RGS6: variants seen among roughly 807,000 people sequenced by gnomAD.
RGS6 encodes the protein regulator of G protein signaling 6, also known as regulator of G-protein signaling 6.
Under a neutral mutation model 78.5 loss-of-function variants are expected in RGS6, and 30 were observed. The ratio of observed to expected loss-of-function variants is 0.38; its 90% CI spans 0.29 to 0.52. RGS6 has a LOEUF of 0.52. Among genes scored for constraint, RGS6 ranks in the 20% least tolerant of loss-of-function variants. The probability of loss-of-function intolerance (pLI) is 0.85; values close to 1 mark genes in which losing one functional copy is unlikely to be tolerated. For synonymous variants in RGS6, 206 were observed against 206.0 expected, an observed-to-expected ratio of 1.00 and a Z score of 0.00; for missense variants, 495 against 609.7, an observed-to-expected ratio of 0.81 and a Z score of 1.98.
intron 2 of RGS6, among the ~76,000 whole-genome samples, chr14:72,229,332 G>C (rs1225657414): frequency 7.1e-6 from 1 of 140,596 alleles, no homozygotes; most frequent in Non-Finnish European, 1.5e-5. Context: ...ACCAGGTCCT[G>C]TCCCCATGCT....
chr14:72,317,564 A>G (rs1333759985), intron 2 of RGS6, among the ~76,000 whole-genome samples: 2 of 152,170 alleles, frequency 1.3e-5, no homozygotes, highest in Non-Finnish European at 2.9e-5. Flanking sequence ...TAGGGGCTCG[A>G]AGGTCAATAC....
intron 2 of RGS6, among the ~76,000 whole-genome samples, chr14:72,328,662 T>C (rs951541254): frequency 6.6e-6 from 1 of 152,070 alleles, no homozygotes; most frequent in African/African-American, 2.4e-5. Context: ...ACAGACATCA[T>C]TGTGAGGTCC....
chr14:71,877,502 C>G, the RGS6 span, among the ~76,000 whole-genome samples: 6 of 152,308 alleles, frequency 3.9e-5, no homozygotes, highest in South Asian at 1.2e-3. Context: ...TCATGTAGTT[C>G]TCGTGCCATG....
At chr14:72,158,891 T>C (rs1013714870) in intron 2 of RGS6, among the ~76,000 whole-genome samples, 1 of 152,206 alleles carries the variant, frequency 6.6e-6, no homozygotes, top group African/African-American at 2.4e-5. Context: ...AAATCTCAGC[T>C]CCACCCTTTT....
At chr14:71,892,154 A>G in the RGS6 span, among the ~76,000 whole-genome samples, 5 of 152,300 alleles carry the variant, frequency 3.3e-5, no homozygotes, top group Non-Finnish European at 4.4e-5. Flanking sequence ...AAACAATACA[A>G]TGAAATTCCT....
At chr14:72,050,713 T>A (rs2093178454) in intron 2 of RGS6, among the ~76,000 whole-genome samples, 1 of 152,210 alleles carries the variant, frequency 6.6e-6, no homozygotes, top group Non-Finnish European at 1.5e-5. Context: ...CGGGTTTGAA[T>A]TCAGGAGTCC....
At chr14:72,507,991 T>C (rs561036702) in intron 13 of RGS6, among the ~76,000 whole-genome samples, 6 of 152,310 alleles carry the variant, frequency 3.9e-5, no homozygotes, top group African/African-American at 1.4e-4. Flanking sequence ...TTGAAAGTTA[T>C]TGAGTTTGAT....
intron 3 of RGS6, among the ~76,000 whole-genome samples, chr14:72,406,885 G>C (rs2092974652): frequency 6.6e-6 from 1 of 152,150 alleles, no homozygotes; most frequent in Admixed American, 6.5e-5. Flanking sequence ...TGCAGCTTGG[G>C]TTGTGCCCAC....
intron 2 of RGS6, among the ~76,000 whole-genome samples, chr14:71,972,601 G>A (rs780638447): frequency 6.6e-6 from 1 of 152,298 alleles, no homozygotes; most frequent in East Asian, 1.9e-4. Flanking sequence ...GGAAGTCAAT[G>A]TGGAGAAGAT....
At chr14:71,969,000 G>C (rs2093667947) in intron 2 of RGS6, among the ~76,000 whole-genome samples, 1 of 152,256 alleles carries the variant, frequency 6.6e-6, no homozygotes, top group Middle Eastern at 3.4e-3. Context: ...ACAGGCCCCA[G>C]TGTGTGATGT....
the RGS6 span, among the ~76,000 whole-genome samples, chr14:71,892,925 T>C: frequency 6.6e-6 from 1 of 152,266 alleles, no homozygotes; most frequent in South Asian, 2.1e-4. Flanking sequence ...ATGTGCTCTA[T>C]ATGTAGATGA....
chr14:71,956,739 C>A (rs570397423), intron 1 of RGS6, among the ~76,000 whole-genome samples: 2 of 152,058 alleles, frequency 1.3e-5, no homozygotes, highest in African/African-American at 4.8e-5. Context: ...ACAGACACAC[C>A]CAGGATCAAT....
chr14:72,555,498 C>A (rs2097561313), intron 17 of RGS6, among the ~76,000 whole-genome samples: 2 of 152,348 alleles, frequency 1.3e-5, no homozygotes, highest in African/African-American at 4.8e-5. Context: ...GTTCTTTTCT[C>A]AGGGAAGTTG....
chr14:71,932,261 C>G (rs990177365), upstream of RGS6, among the ~76,000 whole-genome samples: 1 of 151,926 alleles, frequency 6.6e-6, no homozygotes, highest in South Asian at 2.1e-4. Context: ...GCCCGCGGGA[C>G]GCGCTCAGGT....
intron 2 of RGS6, among the ~76,000 whole-genome samples, chr14:72,334,150 G>A (rs2075587500): frequency 6.6e-6 from 1 of 152,218 alleles, no homozygotes. Context: ...GGCCCCGTGG[G>A]AACGGAAAGG....
At chr14:72,072,161 T>C (rs1764195905) in intron 2 of RGS6, among the ~76,000 whole-genome samples, 1 of 151,908 alleles carries the variant, frequency 6.6e-6, no homozygotes, top group African/African-American at 2.4e-5. Context: ...CATGGAGGAG[T>C]GAACTAAAGC....
At chr14:72,335,918 A>T (rs961117867) in intron 2 of RGS6, among the ~76,000 whole-genome samples, 6 of 152,142 alleles carry the variant, frequency 3.9e-5, no homozygotes, top group African/African-American at 1.4e-4. Context: ...TGGCTTTGAT[A>T]ATCACCACAG....
intron 2 of RGS6, among the ~76,000 whole-genome samples, chr14:72,172,192 C>G (rs555890647): frequency 6.6e-5 from 10 of 151,910 alleles, no homozygotes; most frequent in Non-Finnish European, 1.0e-4. Flanking sequence ...AAATCAAGAA[C>G]TGTGACGATT....
At chr14:72,202,012 C>A (rs756781965) in intron 2 of RGS6, among the ~76,000 whole-genome samples, 8 of 152,144 alleles carry the variant, frequency 5.3e-5, no homozygotes, top group Non-Finnish European at 1.0e-4. Context: ...ACTTAAGAAC[C>A]AGCACACTGG....
Sources: gnomAD v4.1 joint callset for allele counts (sites outside exome capture counted in the v4.1 genomes callset) on GRCh38, gnomAD v4.1.1 for gene constraint, MANE v1.5 for transcripts, NCBI Gene and HGNC (gene_info 2026-07-23, HGNC 2026-07-21) for gene names.